PLEKHG4B: variants seen among roughly 807,000 people sequenced by gnomAD.
The protein encoded by PLEKHG4B is pleckstrin homology and RhoGEF domain containing G4B.
A neutral mutation model predicts 121.3 loss-of-function variants in PLEKHG4B; 111 were observed. That is an observed-to-expected ratio of 0.92 (90% confidence interval 0.78 to 1.07). PLEKHG4B has a LOEUF of 1.07. Ranked by LOEUF, PLEKHG4B falls within the 50% of genes least tolerant of loss-of-function variation. The pLI is 0.00. For missense variants in PLEKHG4B, 1,831 were observed against 1,757.8 expected (o/e 1.04, Z -0.74); for synonymous variants, 738 against 725.0 (o/e 1.02, Z -0.29).
intron 2 of PLEKHG4B, among the ~76,000 whole-genome samples, chr5:132,425 GTTGCAT>G (rs1163532443): frequency 6.6e-6 from 1 of 152,078 alleles, no homozygotes; most frequent in Non-Finnish European, 1.5e-5. Flanking sequence ...CTTTGTTTTT[GTTGCAT>G]TTGCTTTTGG....
intron 7 of PLEKHG4B, among the ~76,000 whole-genome samples, chr5:152,378 T>C (rs1579294257): frequency 1.1e-5 from 1 of 92,282 alleles, no homozygotes; most frequent in South Asian, 2.8e-4. Context: ...GCCAAGCTAC[T>C]TTTTTTTTTT....
intron 3 of PLEKHG4B, among the ~76,000 whole-genome samples, chr5:142,535 C>T (rs1387682340): frequency 1.3e-5 from 2 of 150,102 alleles, no homozygotes; most frequent in Admixed American, 1.3e-4. Context: ...AACGATCACA[C>T]TCCAGAGTTC....
chr5:149,843 T>C (rs371339061), intron 6 of PLEKHG4B, among the ~76,000 whole-genome samples: 8 of 152,228 alleles, frequency 5.3e-5, no homozygotes, highest in African/African-American at 1.9e-4. Flanking sequence ...CCCCATCCAT[T>C]AGGGTGGCTA....
intron 2 of PLEKHG4B, among the ~76,000 whole-genome samples, chr5:118,073 C>G (rs1172103538): frequency 1.3e-5 from 2 of 152,052 alleles, no homozygotes; most frequent in Non-Finnish European, 2.9e-5. Context: ...CAGCAACATT[C>G]AAAGGATTAC....
Position 163,252 on chromosome 5 carries a change from C to T in PLEKHG4B, c.3180C>T (p.Ser1060=). ...ACCTGGAGGACAGCTCTGCCTGTTC[C>T]TCTGAGCCCACCCAGACCCTGGCCA... The part of the protein sequence containing the change: ...TAHLEDSSAC[S]SEPTQTLASR... The change falls in exon 13 of 20, where the codon TCC becomes TCT. Residue 1060 remains serine, a synonymous_variant. Transcript: ENST00000637938. 1 of 1,611,666 alleles carries T rather than the reference C, an allele frequency of 6.2e-7. No individual in the cohort carries two copies. Among genetic ancestry groups the T allele is most frequent in the Non-Finnish European group, 8.5e-7 (1 of 1,179,310 alleles).
rs377320758 is a variant in PLEKHG4B, at chr5:143,376, G to A, written c.1688-4G>A. On this transcript the variant is annotated splice_polypyrimidine_tract_variant and splice_region_variant and intron_variant, in intron 4 of 19. Coordinates refer to ENST00000637938, the MANE Select transcript of PLEKHG4B (RefSeq NM_052909.5). Reference sequence around the variant, plus strand: ...TGGCAGCTGCCCTGTCTCTGTCTCCGCAGGGACCCGAGACCGTCATGGCAG... The same window carrying A: ...TGGCAGCTGCCCTGTCTCTGTCTCCACAGGGACCCGAGACCGTCATGGCAG... The A allele has an allele frequency of 9.2e-5, 149 of 1,611,884 alleles. No individual in the cohort carries two copies. In the East Asian group the frequency reaches 2.0e-3, roughly 21 times the overall value.
Position 171,208 on chromosome 5 carries a change from T to C in PLEKHG4B, c.3820-6T>C, listed in dbSNP as rs1560951329. ...CGGAGCTGACCCTCTCACCCGGCCC[T>C]TGCAGGACAAGCAGCGGGAGCTAGG... On this transcript the variant is annotated splice_polypyrimidine_tract_variant and splice_region_variant and intron_variant, in intron 15 of 19. Coordinates refer to ENST00000637938, the MANE Select transcript of PLEKHG4B (RefSeq NM_052909.5). The C allele has an allele frequency of 6.2e-7, 1 of 1,603,510 alleles. No homozygotes were observed. Among genetic ancestry groups the C allele is most frequent in the Admixed American group, 1.7e-5 (1 of 59,580 alleles).
At chr5:172,161 G>C (rs1408441406) in intron 16 of PLEKHG4B, among the ~76,000 whole-genome samples, 2 of 152,172 alleles carry the variant, frequency 1.3e-5, no homozygotes, top group Non-Finnish European at 2.9e-5. Flanking sequence ...CGACGGAATC[G>C]GGGCTGCTTC....
intron 2 of PLEKHG4B, among the ~76,000 whole-genome samples, chr5:120,438 C>T (rs545710514): frequency 3.7e-4 from 57 of 152,298 alleles, no homozygotes; most frequent in African/African-American, 1.1e-3. Context: ...GGATTTGAAA[C>T]TAGAGATAGG....
intron 13 of PLEKHG4B, among the ~76,000 whole-genome samples, chr5:168,865 CTTTTTT>C (rs140551039): frequency 1.0e-5 from 1 of 100,456 alleles, no homozygotes; most frequent in Admixed American, 1.0e-4. Context: ...GAAGATTATT[CTTTTTT>C]TTTTTTTTTT....
intron 1 of PLEKHG4B, among the ~76,000 whole-genome samples, chr5:111,073 C>G (rs1734144310): frequency 6.6e-6 from 1 of 152,256 alleles, no homozygotes; most frequent in Non-Finnish European, 1.5e-5. Context: ...CACTGCAGCT[C>G]CCTCATCATG....
chr5:109,388 C>T (rs1430588073), intron 1 of PLEKHG4B, among the ~76,000 whole-genome samples: 1 of 127,410 alleles, frequency 7.8e-6, no homozygotes, highest in African/African-American at 3.9e-5. Context: ...CAGGGCAAGA[C>T]TCTGTCTCCA....
chr5:158,006 C>T lies in PLEKHG4B; in HGVS notation c.2487+1095C>T, dbSNP rs182352236. 2.7e-3 allele frequency among the ~76,000 whole-genome samples: 418 copies of T among 152,268 alleles called. 4 individuals are homozygous for T. The highest frequency in any genetic ancestry group is 9.5e-3 in the African/African-American group (395 of 41,556). On this transcript the variant is annotated intron_variant, in intron 11 of 19. Coordinates refer to ENST00000637938, the MANE Select transcript of PLEKHG4B (RefSeq NM_052909.5). ...CCTCCCCACGACTGACCCCAGCTCC[C>T]AAATATTGGCCAGGGGCCCAGCTGG...
At chr5:98,441 T>TC (rs1733691598) in intron 1 of PLEKHG4B, among the ~76,000 whole-genome samples, 2 of 134,360 alleles carry the variant, frequency 1.5e-5, no homozygotes, top group East Asian at 2.2e-4. Flanking sequence ...TTTTTTTTTT[T>TC]TTTTTTTTTT....
intron 2 of PLEKHG4B, among the ~76,000 whole-genome samples, chr5:130,290 C>T (rs1408337384): frequency 6.6e-6 from 1 of 151,864 alleles, no homozygotes; most frequent in Non-Finnish European, 1.5e-5. Flanking sequence ...CACTAAGAGC[C>T]AATAGAAAAA....
At chr5:122,172 A>C (rs1373122237) in intron 2 of PLEKHG4B, among the ~76,000 whole-genome samples, 1 of 152,200 alleles carries the variant, frequency 6.6e-6, no homozygotes, top group Non-Finnish European at 1.5e-5. Flanking sequence ...ATACAACTAA[A>C]TATTCAAGAG....
chr5:156,885 G>T lies in PLEKHG4B; in HGVS notation c.2461G>T (p.Ala821Ser), dbSNP rs758562430. ...LQQLEHLREL[A>S]SLLEGNDQQS... is the part of the protein sequence containing the mutation. ...GCAGCTGGAGCACCTCCGGGAGCTG[G>T]CGTCACTCCTGGAAGGGAATGACCA... The change falls in exon 11 of 20, where the codon GCG becomes TCG. Residue 821 changes from alanine to serine, a missense_variant. Physicochemically the swap from Ala to Ser is moderately conservative, Grantham distance 99 (BLOSUM62 1). Coordinates refer to ENST00000637938, the MANE Select transcript of PLEKHG4B (RefSeq NM_052909.5). The surrounding 1 kb of genome is among the most constrained non-coding windows in gnomAD (Gnocchi z 4.4). 6.2e-7 allele frequency: 1 copy of T among 1,611,396 alleles called. No individual in the cohort carries two copies. The highest frequency in any genetic ancestry group is 1.3e-5 in the African/African-American group (1 of 74,836).
rs1261346558 is a variant in PLEKHG4B at position 156,058 on chromosome 5, C to T, written c.2209-13C>T. On this transcript the variant is annotated splice_polypyrimidine_tract_variant and intron_variant, in intron 9 of 19. Coordinates refer to ENST00000637938, the MANE Select transcript of PLEKHG4B (RefSeq NM_052909.5). This position sits in a 1 kb window ranked among gnomAD's most constrained non-coding sequence, Gnocchi z 4.4. ...GAGGGAGTTAAAGGCTTATTCCTCC[C>T]CATCCCGTGCAGGAAGTCGCCGAGT... is the stretch of plus-strand genomic sequence containing the variant. 6.4e-7 allele frequency: 1 copy of T among 1,568,724 alleles called. No individual in the cohort carries two copies. Among genetic ancestry groups the T allele is most frequent in the East Asian group, 2.3e-5 (1 of 43,332 alleles).
chr5:94,524 G>A (rs1733572735), intron 1 of PLEKHG4B, among the ~76,000 whole-genome samples: 1 of 144,362 alleles, frequency 6.9e-6, no homozygotes, highest in Non-Finnish European at 1.5e-5. Context: ...TCCTGAAAGT[G>A]TTGGTTCTGG....
Sources: gnomAD v4.1 joint callset for allele counts (sites outside exome capture counted in the v4.1 genomes callset) on GRCh38, gnomAD v4.1.1 for gene constraint, Gnocchi (gnomAD v3.1) non-coding constraint, MANE v1.5 for transcripts, NCBI Gene and HGNC (gene_info 2026-07-23, HGNC 2026-07-21) for gene names.